Variants in SEMA6D observed in about 807,000 individuals in gnomAD.
SEMA6D encodes the protein semaphorin-6D.
In SEMA6D, 35 loss-of-function variants were observed where a neutral mutation model predicts 106.6. That is an observed-to-expected ratio of 0.33 (90% CI 0.25 to 0.44). The LOEUF is 0.44. Ranked by LOEUF, SEMA6D falls within the 20% of genes least tolerant of loss-of-function variation. SEMA6D has a pLI of 1.00. For missense variants in SEMA6D, 1,185 were observed against 1,345.9 expected, an observed-to-expected ratio of 0.88 and a Z score of 1.87; for synonymous variants, 499 against 487.7, an observed-to-expected ratio of 1.02 and a Z score of -0.31.
At chr15:47,202,662 A>G (rs1365952955) in intron 1 of SEMA6D, among the ~76,000 whole-genome samples, 1 of 152,174 alleles carries the variant, frequency 6.6e-6, no homozygotes, top group Non-Finnish European at 1.5e-5. Context: ...CCCTCTTCCA[A>G]GTATACTTTA....
intron 1 of SEMA6D, among the ~76,000 whole-genome samples, chr15:47,376,381 C>T (rs757445423): frequency 1.3e-5 from 2 of 152,192 alleles, no homozygotes; most frequent in Non-Finnish European, 2.9e-5. Context: ...GCACCCCCTG[C>T]ACAAACTGAC....
At chr15:47,365,881 AGAGAGAGAG>A (rs1384265124) in intron 1 of SEMA6D, among the ~76,000 whole-genome samples, 5 of 122,702 alleles carry the variant, frequency 4.1e-5, no homozygotes, top group African/African-American at 1.7e-4. Context: ...AGAAAGAGAG[AGAGAGAGAG>A]GAGAGAGAGA....
At chr15:47,195,342 T>C (rs998693652) in intron 1 of SEMA6D, among the ~76,000 whole-genome samples, 2 of 152,162 alleles carry the variant, frequency 1.3e-5, no homozygotes, top group African/African-American at 4.8e-5. Context: ...TCCCTGCCCT[T>C]TATCTCTGCC....
chr15:47,457,995 A>ATT (rs984232378), intron 2 of SEMA6D, among the ~76,000 whole-genome samples: 4 of 151,954 alleles, frequency 2.6e-5, no homozygotes, highest in Non-Finnish European at 4.4e-5. Flanking sequence ...CAGAGAAGAA[A>ATT]CCTCTTAAAG....
At chr15:47,351,211 T>C (rs916904889) in intron 1 of SEMA6D, among the ~76,000 whole-genome samples, 1 of 152,166 alleles carries the variant, frequency 6.6e-6, no homozygotes, top group African/African-American at 2.4e-5. Context: ...AATTCAAATG[T>C]CAAAATTCTT....
At chr15:47,348,716 CACCACACACACAGAGAGAGAGAGAGAG>C (rs770149782) in intron 1 of SEMA6D, among the ~76,000 whole-genome samples, 5,627 of 42,884 alleles carry the variant, frequency 0.13, 145 homozygotes, top group South Asian at 0.27. Context: ...CACACACACA[CACCACACACACAGAGAGAGAGAGAGAG>C]AGAGAGAGAG....
chr15:47,753,168 A>C (rs1289522557), intron 1 of SEMA6D, among the ~76,000 whole-genome samples: 1 of 152,178 alleles, frequency 6.6e-6, no homozygotes, highest in African/African-American at 2.4e-5. Flanking sequence ...ATAGCAGATC[A>C]GGGCCTTGAG....
At chr15:47,221,615 G>T (rs1037872242) in intron 1 of SEMA6D, among the ~76,000 whole-genome samples, 2 of 152,168 alleles carry the variant, frequency 1.3e-5, no homozygotes, top group Non-Finnish European at 2.9e-5. Flanking sequence ...ACTTCTAAAA[G>T]AAATTTAGCA....
intron 3 of SEMA6D, among the ~76,000 whole-genome samples, chr15:47,491,112 A>G (rs1053640755): frequency 1.3e-5 from 2 of 152,214 alleles, no homozygotes; most frequent in African/African-American, 2.4e-5. Context: ...ACGTACATAT[A>G]AGTAGAAACA....
At chr15:47,668,991 T>C (rs1027199629) in intron 4 of SEMA6D, among the ~76,000 whole-genome samples, 1 of 152,202 alleles carries the variant, frequency 6.6e-6, no homozygotes, top group African/African-American at 2.4e-5. Context: ...AGTTGAAAAA[T>C]ATTATAATGA....
chr15:47,765,724 A>T, intron 13 of SEMA6D, 145 bp from the exon 14 acceptor site: 1 of 734,832 alleles, frequency 1.4e-6, no homozygotes, highest in Non-Finnish European at 1.9e-6. Context: ...AAGATGAATC[A>T]CATAATTATT....
intron 1 of SEMA6D, among the ~76,000 whole-genome samples, chr15:47,190,093 C>T (rs1040515055): frequency 5.9e-5 from 9 of 152,150 alleles, no homozygotes; most frequent in Admixed American, 5.2e-4. Context: ...CTTTTTCACA[C>T]CCCTTTTGAT....
At chr15:47,685,253 T>A (rs1046599782) in intron 4 of SEMA6D, among the ~76,000 whole-genome samples, 4 of 152,202 alleles carry the variant, frequency 2.6e-5, no homozygotes, top group African/African-American at 9.6e-5. Context: ...CCAATAGGTT[T>A]TCCCAGAATC....
intron 3 of SEMA6D, among the ~76,000 whole-genome samples, chr15:47,515,513 A>C (rs2044360458): frequency 6.6e-6 from 1 of 152,198 alleles, no homozygotes; most frequent in African/African-American, 2.4e-5. Context: ...TGCAATAGAG[A>C]TATTCTGTCA....
intron 3 of SEMA6D, among the ~76,000 whole-genome samples, chr15:47,497,147 GAGAA>G (rs34514281): frequency 0.25 from 38,330 of 151,560 alleles, 5,211 homozygotes; most frequent in Middle Eastern, 0.43. Context: ...TTCTGCCTGT[GAGAA>G]AGAAACATTC....
intron 4 of SEMA6D, among the ~76,000 whole-genome samples, chr15:47,614,740 T>C (rs1369234296): frequency 6.6e-6 from 1 of 152,218 alleles, no homozygotes; most frequent in Non-Finnish European, 1.5e-5. Context: ...TCTACAATCA[T>C]TGAAATACAA....
rs748375258 is a variant in SEMA6D, at chr15:47,223,726, C to T, written c.-239+39308C>T. On this transcript the variant is annotated intron_variant, in intron 1 of 19. Transcript: ENST00000558014. ...CTAACTTTATCATAAAGCTCAAATTCGGTCTGGTAAGTAAAACTGTAGAGA... is the reference window on the plus strand; with the variant it reads ...CTAACTTTATCATAAAGCTCAAATTTGGTCTGGTAAGTAAAACTGTAGAGA... Among the ~76,000 whole-genome samples the T allele has an allele frequency of 4.8e-4, 73 of 151,966 alleles. 1 individual carries two copies. Among genetic ancestry groups the T allele is most frequent in the Non-Finnish European group, 9.7e-4 (66 of 67,976 alleles).
intron 1 of SEMA6D, among the ~76,000 whole-genome samples, chr15:47,302,496 G>A (rs1223721985): frequency 6.6e-6 from 1 of 152,162 alleles, no homozygotes; most frequent in African/African-American, 2.4e-5. Flanking sequence ...TAAATATGTT[G>A]CCCTACATGG....
intron 1 of SEMA6D, among the ~76,000 whole-genome samples, chr15:47,230,605 G>T (rs908147083): frequency 2.6e-5 from 4 of 151,960 alleles, no homozygotes; most frequent in African/African-American, 9.7e-5. Context: ...AGGTCACCAG[G>T]ATTTCTTCCT....
Sources: gnomAD v4.1 joint callset for allele counts (sites outside exome capture counted in the v4.1 genomes callset) on GRCh38, gnomAD v4.1.1 for gene constraint, MANE v1.5 for transcripts, NCBI Gene and HGNC (gene_info 2026-07-23, HGNC 2026-07-21) for gene names.